Variants in CD200R1L observed in about 807,000 individuals in gnomAD.
The protein encoded by CD200R1L is CD200 receptor 1 like.
In CD200R1L, 14 loss-of-function variants were observed where a neutral mutation model predicts 24.8. That is an observed-to-expected ratio of 0.56 (90% CI 0.37 to 0.88). The LOEUF (loss-of-function observed/expected upper bound fraction) is 0.88. CD200R1L is among the 40% of genes least tolerant of loss of function. The probability of loss-of-function intolerance (pLI) is 0.00; values close to 1 mark genes in which losing one functional copy is unlikely to be tolerated. For synonymous variants in CD200R1L, 111 were observed against 109.2 expected, an observed-to-expected ratio of 1.02 and a Z score of -0.11; for missense variants, 299 against 297.8, an observed-to-expected ratio of 1.00 and a Z score of -0.03.
chr3:112,845,797 G>T lies in CD200R1L; in HGVS notation c.-205C>A. 8.1e-7 allele frequency: 1 copy of T among 1,233,288 alleles called. No homozygotes were observed. Among genetic ancestry groups the T allele is most frequent in the Non-Finnish European group, 1.2e-6 (1 of 842,806 alleles). The allele number at this position is 1,233,288 out of a possible 1,614,324, so 76.4% of individuals were successfully genotyped here. ...CCACTTTAAATCAATCAACAGACTT[G>T]GTGAATCTGTTTCTCTTGGTCACTT... On this transcript the variant is annotated 5_prime_UTR_variant, in exon 2 of 8. Coordinates refer to ENST00000488794, the MANE Select transcript of CD200R1L (RefSeq NM_001199215.3).
At chr3:112,832,518 AC>A (rs1938826362) in intron 3 of CD200R1L, among the ~76,000 whole-genome samples, 1 of 152,144 alleles carries the variant, frequency 6.6e-6, no homozygotes, top group Non-Finnish European at 1.5e-5. Flanking sequence ...AATACTGAAG[AC>A]CTAAGTATGA....
chr3:112,834,667 C>T (rs1938889926), intron 3 of CD200R1L, among the ~76,000 whole-genome samples: 1 of 152,224 alleles, frequency 6.6e-6, no homozygotes. Context: ...CTCATTCTGC[C>T]TATTTGGCCT....
chr3:112,822,120 C>T (rs1435178082), intron 6 of CD200R1L, among the ~76,000 whole-genome samples: 1 of 152,174 alleles, frequency 6.6e-6, no homozygotes, highest in Non-Finnish European at 1.5e-5. Context: ...TCTCAAGGAC[C>T]TTACACTGTG....
intron 2 of CD200R1L, among the ~76,000 whole-genome samples, chr3:112,840,526 A>G (rs945291856): frequency 2.0e-4 from 31 of 152,206 alleles, no homozygotes; most frequent in African/African-American, 4.6e-4. Context: ...CCATGATCCA[A>G]TCACCTCCCA....
chr3:112,835,341 G>A (rs1201289567), intron 3 of CD200R1L, among the ~76,000 whole-genome samples: 3 of 152,174 alleles, frequency 2.0e-5, no homozygotes, highest in African/African-American at 7.2e-5. Context: ...CCCATTGAGT[G>A]TTCAGTTCCT....
At chr3:112,838,907 G>A (rs78809924) in intron 2 of CD200R1L, among the ~76,000 whole-genome samples, 7,220 of 152,164 alleles carry the variant, frequency 0.047, 415 homozygotes, top group East Asian at 0.27. Context: ...GAGGATTTCC[G>A]GAGTAAGAAA....
intron 2 of CD200R1L, 143 bp downstream of exon 2, chr3:112,845,536 G>C: frequency 1.5e-6 from 1 of 648,692 alleles, no homozygotes; most frequent in Non-Finnish European, 2.6e-6. Context: ...CTCAGAAGGA[G>C]TTTTGCTGGA....
At chr3:112,816,021 G>A (rs1362929044) in intron 7 of CD200R1L, 46 bp from the exon 8 acceptor site, 12 of 777,206 alleles carry the variant, frequency 1.5e-5, no homozygotes, top group South Asian at 1.3e-5. Context: ...ATTTTCCAGA[G>A]CTTATGCAAG....
At chr3:112,826,563 G>A (rs1051401750) in intron 6 of CD200R1L, among the ~76,000 whole-genome samples, 1 of 152,114 alleles carries the variant, frequency 6.6e-6, no homozygotes, top group African/African-American at 2.4e-5. Flanking sequence ...CTTATAAATA[G>A]CATTCAATAA....
intron 3 of CD200R1L, among the ~76,000 whole-genome samples, chr3:112,835,680 G>A (rs901922483): frequency 6.6e-6 from 1 of 152,204 alleles, no homozygotes; most frequent in African/African-American, 2.4e-5. Flanking sequence ...TGGTGTCCAT[G>A]CTGTTCATGC....
At chr3:112,818,272 G>A (rs896772652) in intron 7 of CD200R1L, among the ~76,000 whole-genome samples, 1 of 152,146 alleles carries the variant, frequency 6.6e-6, no homozygotes, top group African/African-American at 2.4e-5. Flanking sequence ...GAAGATACAA[G>A]GATTTCACCA....
intron 3 of CD200R1L, among the ~76,000 whole-genome samples, chr3:112,833,854 CA>C (rs1357817261): frequency 6.6e-6 from 1 of 152,208 alleles, no homozygotes; most frequent in East Asian, 1.9e-4. Context: ...ACTGTAGCCC[CA>C]CTCTGGTCTG....
At chr3:112,822,632 T>C (rs1477343356) in intron 6 of CD200R1L, among the ~76,000 whole-genome samples, 1 of 152,194 alleles carries the variant, frequency 6.6e-6, no homozygotes, top group Admixed American at 6.5e-5. Flanking sequence ...CATCTCTTTT[T>C]ATCTTTTTTT....
Position 112,827,060 on chromosome 3 carries a change from C to G in CD200R1L, c.549G>C (p.Lys183Asn). The G allele has an allele frequency of 6.2e-7, 1 of 1,601,944 alleles. No homozygotes were observed. The change falls in exon 6 of 8, where the codon AAG (lysine) becomes AAC (asparagine). Residue 183 changes from lysine to asparagine, a missense_variant. Lys to Asn is a moderately conservative substitution (Grantham distance 94). Coordinates refer to ENST00000488794, the MANE Select transcript of CD200R1L (RefSeq NM_001199215.3). ...VKSTCPWEGHKSTVTCHVSHL... is the reference protein window; with the variant it reads ...VKSTCPWEGHNSTVTCHVSHL... Reference sequence around the variant, plus strand: ...GGGAGACATGGCAGGTCACAGTAGACTTGTGGCCCTCCCAGGGGCATGTAC... The same window carrying G: ...GGGAGACATGGCAGGTCACAGTAGAGTTGTGGCCCTCCCAGGGGCATGTAC...
intron 2 of CD200R1L, among the ~76,000 whole-genome samples, chr3:112,844,358 C>G (rs1274544692): frequency 6.6e-6 from 1 of 152,116 alleles, no homozygotes. Context: ...TCTCACACCA[C>G]AGTGGAATAA....
chr3:112,835,686 C>T (rs1053273447), intron 3 of CD200R1L, among the ~76,000 whole-genome samples: 3 of 152,242 alleles, frequency 2.0e-5, no homozygotes. Flanking sequence ...CCATGCTGTT[C>T]ATGCCGAGGG....
intron 3 of CD200R1L, among the ~76,000 whole-genome samples, 178 bp downstream of exon 3, chr3:112,837,764 A>G (rs1004709448): frequency 4.1e-5 from 6 of 146,604 alleles, no homozygotes; most frequent in Non-Finnish European, 5.9e-5. Context: ...AGAAATCTAC[A>G]TGTTTGCTTT....
Position 112,829,344 on chromosome 3 carries a change from CTG to C in CD200R1L, c.22_23del (p.Gln8GlufsTer10). ...CTTCTGCAAAAATTGTTGAATAGTT[CTG>C]TGTCATCTGCTTTCCACCCATGCAT... Reference protein sequence around the residue: MGGKQMTQNYSTIFAEGN... With the variant: MGGKQMTXNYSTIFAEGN... On this transcript the variant is annotated frameshift_variant, in exon 4 of 8. Coordinates refer to ENST00000488794, the MANE Select transcript of CD200R1L (RefSeq NM_001199215.3). LOFTEE classifies it high-confidence loss of function. 1 of 1,614,078 alleles carries C rather than the reference CTG, an allele frequency of 6.2e-7. No homozygotes were observed. Among genetic ancestry groups the C allele is most frequent in the East Asian group, 2.2e-5 (1 of 44,888 alleles).
chr3:112,828,351 T>TA (rs1407280419), intron 4 of CD200R1L, among the ~76,000 whole-genome samples: 1 of 152,208 alleles, frequency 6.6e-6, no homozygotes, highest in Non-Finnish European at 1.5e-5. Context: ...CACAGATCTT[T>TA]AAAAAATCTA....
Sources: allele counts gnomAD v4.1 joint callset (sites outside exome capture counted in the v4.1 genomes callset), GRCh38; gene constraint gnomAD v4.1.1; transcripts MANE v1.5; gene names NCBI Gene and HGNC (gene_info 2026-07-23, HGNC 2026-07-21).